Variants in DYM observed in about 807,000 individuals in gnomAD.
DYM encodes the protein dymeclin, also known as dyggve-Melchior-Clausen syndrome protein.
In DYM, 78 loss-of-function variants were observed where a neutral mutation model predicts 93.1. That is an observed-to-expected ratio of 0.84 (90% confidence interval 0.70 to 1.01). The LOEUF is 1.01. Among genes scored for constraint, DYM ranks in the 50% least tolerant of loss-of-function variants. The probability of loss-of-function intolerance (pLI) is 0.00; values close to 1 mark genes in which losing one functional copy is unlikely to be tolerated. For synonymous variants in DYM, 321 were observed against 319.7 expected, an observed-to-expected ratio of 1.00 and a Z score of -0.04; for missense variants, 789 against 845.0, an observed-to-expected ratio of 0.93 and a Z score of 0.82.
intron 16 of DYM, among the ~76,000 whole-genome samples, chr18:49,110,244 C>T (rs973708535): frequency 2.0e-5 from 3 of 152,176 alleles, no homozygotes; most frequent in Admixed American, 6.5e-5. Flanking sequence ...TTCCAACAGT[C>T]AATTATTTTA....
At chr18:49,095,965 G>A (rs1485439440) in intron 17 of DYM, among the ~76,000 whole-genome samples, 3 of 152,006 alleles carry the variant, frequency 2.0e-5, no homozygotes, top group African/African-American at 7.3e-5. Context: ...CTTCCTGGGA[G>A]TAGCCACTTT....
chr18:49,253,335 T>A (rs1381681969), intron 13 of DYM, among the ~76,000 whole-genome samples: 1 of 152,194 alleles, frequency 6.6e-6, no homozygotes, highest in African/African-American at 2.4e-5. Flanking sequence ...ATCTAAACAG[T>A]TTTTGTCATG....
At chr18:49,166,617 T>TA (rs978669528) in intron 14 of DYM, among the ~76,000 whole-genome samples, 1 of 150,572 alleles carries the variant, frequency 6.6e-6, no homozygotes, top group African/African-American at 2.4e-5. Context: ...AAAAAAAAGG[T>TA]AAAAAAATTG....
At chr18:49,292,369 C>G (rs1249454839) in intron 8 of DYM, among the ~76,000 whole-genome samples, 18 of 149,238 alleles carry the variant, frequency 1.2e-4, no homozygotes, top group East Asian at 3.9e-4. Flanking sequence ...CACACACACA[C>G]ACACACACAC....
chr18:49,150,813 G>A (rs2085734491), intron 15 of DYM, among the ~76,000 whole-genome samples: 1 of 152,152 alleles, frequency 6.6e-6, no homozygotes, highest in African/African-American at 2.4e-5. Context: ...AGAGATTAGG[G>A]GAGAGATTAC....
chr18:49,225,707 G>C (rs1433703679), intron 13 of DYM, among the ~76,000 whole-genome samples: 2 of 152,010 alleles, frequency 1.3e-5, no homozygotes, highest in Non-Finnish European at 2.9e-5. Context: ...TGGTACTTGA[G>C]ATTTAATCAT....
chr18:49,344,038 G>C (rs118079095), intron 6 of DYM, among the ~76,000 whole-genome samples: 1,602 of 151,824 alleles, frequency 0.011, 14 homozygotes, highest in Admixed American at 0.015. Flanking sequence ...ACATTCATTT[G>C]AAACAAGACT....
intron 13 of DYM, among the ~76,000 whole-genome samples, chr18:49,256,595 T>C (rs2094398136): frequency 6.6e-6 from 1 of 152,242 alleles, no homozygotes; most frequent in Non-Finnish European, 1.5e-5. Flanking sequence ...TTTGGTAATT[T>C]GTTATGGCAA....
At chr18:49,190,953 A>G (rs558110947) in intron 14 of DYM, among the ~76,000 whole-genome samples, 1 of 152,354 alleles carries the variant, frequency 6.6e-6, no homozygotes, top group East Asian at 1.9e-4. Flanking sequence ...ATATATGTTA[A>G]TCAACTGTAT....
chr18:49,116,250 C>T (rs999367083), intron 16 of DYM: 8 of 152,262 alleles, frequency 5.3e-5, no homozygotes, highest in Admixed American at 3.9e-4. Flanking sequence ...AGCAGTGTTG[C>T]TTGGTAACAC....
chr18:49,195,886 A>T (rs2091390906), intron 14 of DYM, among the ~76,000 whole-genome samples: 2 of 142,484 alleles, frequency 1.4e-5, no homozygotes, highest in African/African-American at 2.7e-5. Flanking sequence ...ATACTTCATT[A>T]TCTAATTATG....
rs536073560 is a variant in DYM at position 49,050,757 on chromosome 18, C to T, written c.2026-6553G>A. 2.6e-5 allele frequency among the ~76,000 whole-genome samples: 4 copies of T among 152,284 alleles called. No individual in the cohort carries two copies. The South Asian group carries it at 8.3e-4, about 32-fold the overall frequency. On this transcript the variant is annotated intron_variant, in intron 17 of 17. Coordinates refer to ENST00000675505, the MANE Select transcript of DYM (RefSeq NM_001353214.3). ...AAAGTGGCCTCTCTCGGCTCACTGG[C>T]TTATTGCCTTCACAACACTCAGTGC... is the stretch of plus-strand genomic sequence containing the variant.
chr18:49,097,590 G>A, intron 16 of DYM, 75 bp from the exon 17 acceptor site: 8 of 1,203,012 alleles, frequency 6.6e-6, no homozygotes, highest in South Asian at 2.6e-5. Context: ...TTCTCACATG[G>A]TAGTCAAACT....
At chr18:49,438,514 G>C (rs2081053509) in intron 1 of DYM, among the ~76,000 whole-genome samples, 1 of 152,120 alleles carries the variant, frequency 6.6e-6, no homozygotes, top group Non-Finnish European at 1.5e-5. Flanking sequence ...AGGCTCAAGG[G>C]CCTTCAAGGG....
At chr18:49,234,253 G>A (rs1163057758) in intron 13 of DYM, among the ~76,000 whole-genome samples, 4 of 152,116 alleles carry the variant, frequency 2.6e-5, no homozygotes, top group African/African-American at 9.7e-5. Flanking sequence ...CCAGGAGTTC[G>A]AGAACAGCCT....
chr18:49,332,179 A>G (rs1204485389), intron 7 of DYM, among the ~76,000 whole-genome samples, 173 bp from the exon 8 acceptor site: 3 of 152,206 alleles, frequency 2.0e-5, no homozygotes, highest in South Asian at 2.1e-4. Context: ...GGGCTTTGAG[A>G]GCAATTTTGA....
At chr18:49,179,948 T>C (rs1163817002) in intron 14 of DYM, among the ~76,000 whole-genome samples, 1 of 152,196 alleles carries the variant, frequency 6.6e-6, no homozygotes, top group Non-Finnish European at 1.5e-5. Context: ...AGAGGGTTAA[T>C]ATTTTCCTTA....
chr18:49,100,281 T>G (rs1405292587), intron 16 of DYM, among the ~76,000 whole-genome samples: 1 of 152,104 alleles, frequency 6.6e-6, no homozygotes, highest in Non-Finnish European at 1.5e-5. Context: ...GCTTTGATAA[T>G]CACTAATCGA....
intron 13 of DYM, among the ~76,000 whole-genome samples, chr18:49,237,891 C>T (rs545512667): frequency 1.1e-3 from 172 of 150,782 alleles, no homozygotes; most frequent in Non-Finnish European, 2.0e-3. Context: ...AGCCTTCCAT[C>T]AGTACCTTAC....
Sources: allele counts gnomAD v4.1 joint callset (sites outside exome capture counted in the v4.1 genomes callset), GRCh38; gene constraint gnomAD v4.1.1; transcripts MANE v1.5; gene names NCBI Gene and HGNC (gene_info 2026-07-23, HGNC 2026-07-21).